Variants in BCKDHA observed in about 807,000 individuals in gnomAD.
The protein encoded by BCKDHA is branched chain keto acid dehydrogenase E1 subunit alpha.
Under a neutral mutation model 52.2 loss-of-function variants are expected in BCKDHA, and 43 were observed. The observed-to-expected ratio is 0.82, with a 90% CI of 0.64 to 1.06. BCKDHA has a LOEUF of 1.06. Ranked by LOEUF, BCKDHA falls within the 50% of genes least tolerant of loss-of-function variation. BCKDHA has a pLI of 0.00. For synonymous variants in BCKDHA, 234 were observed against 247.9 expected (o/e 0.94, Z 0.53); for missense variants, 527 against 621.3 (o/e 0.85, Z 1.61).
At chr19:41,411,806 G>A (rs2039256917) in intron 3 of BCKDHA, among the ~76,000 whole-genome samples, 1 of 152,140 alleles carries the variant, frequency 6.6e-6, no homozygotes, top group Non-Finnish European at 1.5e-5. Context: ...ATCCTCAGGG[G>A]GCTGGTTGCA....
intron 1 of BCKDHA, chr19:41,399,677 T>A (rs2039115894): frequency 6.6e-6 from 1 of 151,858 alleles, no homozygotes. Context: ...CCTTCTCCTC[T>A]CCTCTCCTCC....
At chr19:41,412,376 A>ATTTGTTTTTTTTTTTTTTTTTTTTTTTT (rs1199996566) in intron 3 of BCKDHA, among the ~76,000 whole-genome samples, 2 of 46,390 alleles carry the variant, frequency 4.3e-5, no homozygotes, top group Non-Finnish European at 4.3e-5. Context: ...GTCTGTAGAT[A>ATTTGTTTTTTTTTTTTTTTTTTTTTTTT]TTTCTTTTTT....
intron 1 of BCKDHA, among the ~76,000 whole-genome samples, chr19:41,407,995 C>T (rs891723797): frequency 2.7e-5 from 4 of 148,696 alleles, no homozygotes; most frequent in African/African-American, 7.4e-5. Flanking sequence ...TCACTTTGTC[C>T]CCCAGGCTGG....
At position 41,406,726 on chromosome 19, in the gene BCKDHA, T is replaced by C. The variant is rs553885429; in HGVS notation, c.109-3911T>C. Among the ~76,000 whole-genome samples the C allele has an allele frequency of 5.9e-5, 9 of 152,210 alleles. No individual in the cohort carries two copies. The East Asian group carries it at 9.7e-4, about 16-fold the overall frequency. ...CTGGGATTACAGGCACCTACCATCA[T>C]GCACGGCTGTTTTTTGTATTTTTAG... On this transcript the variant is annotated intron_variant, in intron 1 of 8. Transcript: ENST00000269980.
At chr19:41,421,340 G>A (rs2039362020) in intron 5 of BCKDHA, among the ~76,000 whole-genome samples, 1 of 152,150 alleles carries the variant, frequency 6.6e-6, no homozygotes, top group African/African-American at 2.4e-5. Flanking sequence ...GGAACTCCTG[G>A]AGTATATGAG....
rs755611354 is a variant in BCKDHA at position 41,419,178 on chromosome 19, C to T, written c.528C>T (p.Ala176=). The T allele has an allele frequency of 1.2e-6, 2 of 1,614,100 alleles. No homozygotes were observed. The highest frequency in any genetic ancestry group is 2.2e-5 in the East Asian group (1 of 44,904). The change falls in exon 5 of 9, where the codon GCC becomes GCT. Residue 176 remains alanine, a synonymous_variant. Transcript: ENST00000269980. ...ACTACCCCCTGGAACTATTCATGGCCCAGTGCTATGGCAACATCAGTGACT... is the reference window on the plus strand; with the variant it reads ...ACTACCCCCTGGAACTATTCATGGCTCAGTGCTATGGCAACATCAGTGACT... ...YRDYPLELFM[A]QCYGNISDLG...
intron 4 of BCKDHA, among the ~76,000 whole-genome samples, chr19:41,415,726 G>A (rs2122125300): frequency 6.6e-6 from 1 of 151,464 alleles, no homozygotes; most frequent in African/African-American, 2.4e-5. Context: ...TCGGCTCACT[G>A]CAAGCTCCAC....
At position 41,424,820 on chromosome 19, in the gene BCKDHA, C is replaced by T. The variant is rs1391554401; in HGVS notation, c.*212C>T. The T allele has an allele frequency of 5.4e-6, 3 of 559,484 alleles. No individual in the cohort carries two copies. The highest frequency in any genetic ancestry group is 5.3e-5 in the South Asian group (2 of 38,076). The allele number at this position is 559,484 out of a possible 1,614,324, so 34.7% of individuals were successfully genotyped here. On this transcript the variant is annotated 3_prime_UTR_variant, in exon 9 of 9. Transcript: ENST00000269980. Reference sequence around the variant, plus strand: ...GCATCTGCAGCAGTTGCTGAGGCTCCGTCAGCCCCCTCTTCACCTGTTGTT... The same window carrying T: ...GCATCTGCAGCAGTTGCTGAGGCTCTGTCAGCCCCCTCTTCACCTGTTGTT...
chr19:41,424,781 A>C lies in BCKDHA; in HGVS notation c.*173A>C. The C allele has an allele frequency of 1.5e-6, 1 of 684,150 alleles. No homozygotes were observed. Among genetic ancestry groups the C allele is most frequent in the East Asian group, 2.8e-5 (1 of 35,488 alleles). The allele number at this position is 684,150 out of a possible 1,614,324, so 42.4% of individuals were successfully genotyped here. A position where few individuals can be genotyped will look rare whatever the true frequency, so the allele number is the denominator to read the frequency against. On this transcript the variant is annotated 3_prime_UTR_variant, in exon 9 of 9. Coordinates refer to ENST00000269980, the MANE Select transcript of BCKDHA (RefSeq NM_000709.4). The stretch of plus-strand genomic sequence containing the variant: ...CACCCCTGCTCCTCCCGGCTGTTAC[A>C]TTGTCAGGGGACAGCATCTGCAGCA...
intron 1 of BCKDHA, among the ~76,000 whole-genome samples, chr19:41,400,835 C>T (rs2039131223): frequency 6.6e-6 from 1 of 151,708 alleles, no homozygotes; most frequent in South Asian, 2.1e-4. Context: ...CATGGTGAAA[C>T]CCCATCTCTA....
chr19:41,422,886 C>G (rs938350712), intron 7 of BCKDHA, 112 bp from the exon 8 acceptor site: 36 of 1,582,422 alleles, frequency 2.3e-5, no homozygotes, highest in Non-Finnish European at 2.8e-5. Flanking sequence ...TGCATCTCCC[C>G]CTTGCCTTTA....
chr19:41,414,511 G>A (rs1001487272), intron 4 of BCKDHA, among the ~76,000 whole-genome samples: 69 of 152,272 alleles, frequency 4.5e-4, no homozygotes, highest in African/African-American at 1.6e-3. Context: ...TGAAGTCAAC[G>A]TTCGCTGTGG....
At chr19:41,408,862 G>A (rs1226948525) in intron 1 of BCKDHA, among the ~76,000 whole-genome samples, 2 of 152,032 alleles carry the variant, frequency 1.3e-5, no homozygotes, top group Non-Finnish European at 2.9e-5. Context: ...AGTAATCCTT[G>A]AGCCCAAAGT....
rs777794357 is a variant in BCKDHA, at chr19:41,423,102, A to C, written c.1100A>C (p.Tyr367Ser). ...QDHPISRLRH[Y>S]LLSQGWWDEE... ...CACCCCATCTCCCGGCTGCGGCACT[A>C]TCTGCTGAGCCAAGGCTGGTGGGAT... The change falls in exon 8 of 9, where the codon TAT becomes TCT. Residue 367 changes from tyrosine to serine, a missense_variant. Transcript: ENST00000269980. 3.3e-5 allele frequency: 52 copies of C among 1,568,216 alleles called. No individual in the cohort carries two copies. The highest frequency in any genetic ancestry group is 4.4e-5 in the Non-Finnish European group (51 of 1,156,336).
chr19:41,412,258 C>T (rs980895578), intron 3 of BCKDHA, among the ~76,000 whole-genome samples: 1 of 151,108 alleles, frequency 6.6e-6, no homozygotes, highest in Non-Finnish European at 1.5e-5. Context: ...TAGTCCGTTT[C>T]TCAGTGAAGA....
intron 8 of BCKDHA, among the ~76,000 whole-genome samples, chr19:41,423,787 G>A (rs1481848940): frequency 4.0e-5 from 6 of 151,880 alleles, no homozygotes; most frequent in African/African-American, 2.4e-5. Flanking sequence ...AGCTGAGATC[G>A]TACCATTGCA....
chr19:41,410,068 C>G (rs958619827), intron 1 of BCKDHA, among the ~76,000 whole-genome samples: 2 of 152,134 alleles, frequency 1.3e-5, no homozygotes, highest in Non-Finnish European at 2.9e-5. Flanking sequence ...CTCCTAAAGG[C>G]AGTAAGGGAA....
chr19:41,414,567 CT>C (rs1187141611), intron 4 of BCKDHA, among the ~76,000 whole-genome samples: 1 of 152,170 alleles, frequency 6.6e-6, no homozygotes, highest in Non-Finnish European at 1.5e-5. Flanking sequence ...CAGTGATCCC[CT>C]GGCCCCTCCT....
intron 1 of BCKDHA, among the ~76,000 whole-genome samples, chr19:41,409,057 C>A (rs1472875976): frequency 6.6e-6 from 1 of 152,158 alleles, no homozygotes; most frequent in Non-Finnish European, 1.5e-5. Flanking sequence ...TCAAGTGATT[C>A]TCCTGCCTCA....
Sources: gnomAD v4.1 joint callset for allele counts (sites outside exome capture counted in the v4.1 genomes callset) on GRCh38, gnomAD v4.1.1 for gene constraint, MANE v1.5 for transcripts, NCBI Gene and HGNC (gene_info 2026-07-23, HGNC 2026-07-21) for gene names.